SLC14A2: variants seen among roughly 807,000 people sequenced by gnomAD.
SLC14A2 encodes solute carrier family 14 member 2.
A neutral mutation model predicts 104.6 loss-of-function variants in SLC14A2; 91 were observed. The ratio of observed to expected loss-of-function variants is 0.87; its 90% confidence interval spans 0.73 to 1.04. The LOEUF is 1.04. SLC14A2 is among the 50% of genes least tolerant of loss of function. The pLI, the probability that SLC14A2 is intolerant of heterozygous loss-of-function variation, is 0.00. For synonymous variants in SLC14A2, 476 were observed against 466.4 expected (o/e 1.02, Z -0.27); for missense variants, 1,189 against 1,156.0 (o/e 1.03, Z -0.41).
intron 1 of SLC14A2, among the ~76,000 whole-genome samples, chr18:45,426,646 CA>C (rs1474500329): frequency 8.3e-5 from 12 of 144,714 alleles, no homozygotes; most frequent in African/African-American, 3.1e-4. Context: ...TATCTATATA[CA>C]TATATACATA....
rs1350674765 is a variant in SLC14A2 at position 45,323,331 on chromosome 18, A to T, written c.-125+110140A>T. Among the ~76,000 whole-genome samples the T allele has an allele frequency of 2.6e-5, 4 of 152,290 alleles. No individual in the cohort carries two copies. In the East Asian group the frequency reaches 7.7e-4, roughly 29 times the overall value. On this transcript the variant is annotated intron_variant, in intron 1 of 20. Transcript: ENST00000586448. ...ACTATTTATCTCTGTTCCTTGTGTCAGGCCTCTCCCAAGGAGCCACCATTG... is the reference window on the plus strand; with the variant it reads ...ACTATTTATCTCTGTTCCTTGTGTCTGGCCTCTCCCAAGGAGCCACCATTG...
chr18:45,282,655 C>T (rs562829139), intron 1 of SLC14A2, among the ~76,000 whole-genome samples: 81 of 152,230 alleles, frequency 5.3e-4, no homozygotes, highest in South Asian at 6.2e-4. Flanking sequence ...ACACCACCCT[C>T]GCTGTGTGAG....
At chr18:45,419,473 C>A (rs1282461525) in intron 1 of SLC14A2, among the ~76,000 whole-genome samples, 2 of 152,158 alleles carry the variant, frequency 1.3e-5, no homozygotes, top group Non-Finnish European at 2.9e-5. Flanking sequence ...TCAAAATGAA[C>A]TTTTAAAACA....
chr18:45,643,884 G>T, intron 9 of SLC14A2, 102 bp from the exon 10 acceptor site: 2 of 990,000 alleles, frequency 2.0e-6, no homozygotes, highest in Non-Finnish European at 3.1e-6. Context: ...CTGGAGGGAG[G>T]ATCTCCATCC....
chr18:45,627,616 A>T (rs2045280404), intron 4 of SLC14A2, among the ~76,000 whole-genome samples: 1 of 152,180 alleles, frequency 6.6e-6, no homozygotes, highest in South Asian at 2.1e-4. Context: ...CAGTGTGGGA[A>T]GGGGCACTGA....
chr18:45,237,278 C>T (rs527418889), intron 1 of SLC14A2, among the ~76,000 whole-genome samples: 1 of 152,244 alleles, frequency 6.6e-6, no homozygotes, highest in East Asian at 1.9e-4. Flanking sequence ...CTAAAGAAGC[C>T]TCAAGAGGAA....
chr18:45,392,695 T>C (rs924532974), intron 1 of SLC14A2, among the ~76,000 whole-genome samples: 1 of 152,202 alleles, frequency 6.6e-6, no homozygotes, highest in Non-Finnish European at 1.5e-5. Context: ...AAATTCCCAC[T>C]TTGAAATAAA....
chr18:45,383,602 C>G (rs1014666993), intron 1 of SLC14A2, among the ~76,000 whole-genome samples: 3 of 152,152 alleles, frequency 2.0e-5, no homozygotes, highest in African/African-American at 7.2e-5. Context: ...GCTCTCCCCT[C>G]CCTTCCCTTC....
chr18:45,209,052 T>C (rs1275101446), upstream of SLC14A2, among the ~76,000 whole-genome samples: 3 of 148,772 alleles, frequency 2.0e-5, no homozygotes, highest in Non-Finnish European at 3.0e-5. Context: ...CAACAACAAC[T>C]GTGGCCGAGC....
intron 1 of SLC14A2, among the ~76,000 whole-genome samples, chr18:45,323,461 G>A (rs1466999048): frequency 4.6e-5 from 7 of 152,184 alleles, no homozygotes; most frequent in Admixed American, 3.3e-4. Context: ...AAGGGAAGAC[G>A]AAAGAGAAAT....
At chr18:45,513,674 T>C (rs1253690642) in intron 2 of SLC14A2, among the ~76,000 whole-genome samples, 1 of 152,220 alleles carries the variant, frequency 6.6e-6, no homozygotes, top group Non-Finnish European at 1.5e-5. Context: ...TGTGCCTCTA[T>C]TGCCTGGCTC....
At chr18:45,314,943 C>A (rs188772860) in intron 1 of SLC14A2, among the ~76,000 whole-genome samples, 1 of 152,200 alleles carries the variant, frequency 6.6e-6, no homozygotes, top group Non-Finnish European at 1.5e-5. Context: ...CAGAAGCAAA[C>A]CTCATGTTAG....
At chr18:45,356,037 T>C (rs892051120) in intron 1 of SLC14A2, among the ~76,000 whole-genome samples, 1 of 149,964 alleles carries the variant, frequency 6.7e-6, no homozygotes, top group Non-Finnish European at 1.5e-5. Flanking sequence ...GCAGGGGTTT[T>C]GTGACAGCTT....
intron 1 of SLC14A2, among the ~76,000 whole-genome samples, chr18:45,329,304 T>C (rs2085266652): frequency 6.6e-6 from 1 of 152,160 alleles, no homozygotes; most frequent in African/African-American, 2.4e-5. Context: ...GCAAGTTCAT[T>C]TCAAAGAGAC....
At chr18:45,491,510 T>C (rs1364540656) in intron 2 of SLC14A2, among the ~76,000 whole-genome samples, 1 of 152,210 alleles carries the variant, frequency 6.6e-6, no homozygotes, top group Non-Finnish European at 1.5e-5. Flanking sequence ...AAGGGTGCGA[T>C]AGTACCTATA....
chr18:45,403,257 G>T (rs1014096422), intron 1 of SLC14A2, among the ~76,000 whole-genome samples: 1 of 152,048 alleles, frequency 6.6e-6, no homozygotes, highest in African/African-American at 2.4e-5. Context: ...CAGATTAGGG[G>T]TCCACCCTTA....
intron 1 of SLC14A2, among the ~76,000 whole-genome samples, chr18:45,461,277 T>C (rs2087040609): frequency 6.6e-6 from 1 of 152,200 alleles, no homozygotes; most frequent in African/African-American, 2.4e-5. Flanking sequence ...GAAAGCATCA[T>C]TGTGGTTACC....
chr18:45,247,950 C>G (rs761527999), intron 1 of SLC14A2, among the ~76,000 whole-genome samples: 1 of 152,086 alleles, frequency 6.6e-6, no homozygotes, highest in Non-Finnish European at 1.5e-5. Context: ...CCCATAACAT[C>G]CATGCCCTTC....
intron 1 of SLC14A2, among the ~76,000 whole-genome samples, chr18:45,405,388 G>GCTGAAA (rs1325597999): frequency 6.6e-6 from 1 of 152,184 alleles, no homozygotes; most frequent in Non-Finnish European, 1.5e-5. Flanking sequence ...TGTGCTTAGT[G>GCTGAAA]CTGAAACAGA....
Sources: gnomAD v4.1 joint callset for allele counts (sites outside exome capture counted in the v4.1 genomes callset) on GRCh38, gnomAD v4.1.1 for gene constraint, MANE v1.5 for transcripts, NCBI Gene and HGNC (gene_info 2026-07-23, HGNC 2026-07-21) for gene names.